The following MRPS35 variants were observed in gnomAD, a reference collection of about 807,000 sequenced individuals.
MRPS35 encodes mitochondrial ribosomal protein S35.
In MRPS35, 29 loss-of-function variants were observed where a neutral mutation model predicts 32.7. That is an observed-to-expected ratio of 0.89 (90% CI 0.66 to 1.21). The LOEUF (loss-of-function observed/expected upper bound fraction) is 1.21. MRPS35 is among the 50% of genes most tolerant of loss of function. The probability of loss-of-function intolerance (pLI) is 0.00; values close to 1 mark genes in which losing one functional copy is unlikely to be tolerated. For missense variants in MRPS35, 373 were observed against 383.8 expected (o/e 0.97, Z 0.23); for synonymous variants, 148 against 139.3 (o/e 1.06, Z -0.44).
At position 27,755,418 on chromosome 12, in the gene MRPS35, G is replaced by T. The variant is rs949842474; in HGVS notation, c.940G>T (p.Glu314Ter). The change falls in exon 8 of 8, where the codon GAA becomes TAA. Residue 314 changes from glutamate (E) to a stop codon, truncating the protein, a stop_gained. Coordinates refer to ENST00000081029, the MANE Select transcript of MRPS35 (RefSeq NM_021821.4). LOFTEE classifies it high-confidence loss of function. Reference sequence around the variant, plus strand: ...TGAAAATTCCATTTCTCAGTACAAAGAATCCGTGAAGAGACTATTAAATGT... The same window carrying T: ...TGAAAATTCCATTTCTCAGTACAAATAATCCGTGAAGAGACTATTAAATGT... ...ENENSISQYK[E>*]SVKRLLNVT is the part of the protein sequence containing the mutation. 4 of 1,586,492 alleles carry T rather than the reference G, an allele frequency of 2.5e-6. No individual in the cohort carries two copies. Among genetic ancestry groups the T allele is most frequent in the Non-Finnish European group, 3.4e-6 (4 of 1,173,288 alleles).
chr12:27,734,509 G>C (rs538498053), intron 5 of MRPS35, among the ~76,000 whole-genome samples: 52 of 152,148 alleles, frequency 3.4e-4, no homozygotes, highest in Non-Finnish European at 6.8e-4. Context: ...CCAAAGTAAT[G>C]GCATTACAGG....
intron 7 of MRPS35, among the ~76,000 whole-genome samples, chr12:27,747,252 C>T (rs376489274): frequency 2.6e-5 from 4 of 152,142 alleles, no homozygotes; most frequent in South Asian, 4.1e-4. Flanking sequence ...TTTTAATACA[C>T]CTCAGTTGTA....
rs1313945136 is a variant in MRPS35 at position 27,755,532 on chromosome 12, T to C, written c.*82T>C. ...ATCTAATTTGATATAAAATTGAAAA[T>C]GTTAAAAAATCATTTTTTTTCCTCA... On this transcript the variant is annotated 3_prime_UTR_variant, in exon 8 of 8. Coordinates refer to ENST00000081029, the MANE Select transcript of MRPS35 (RefSeq NM_021821.4). The C allele has an allele frequency of 6.2e-6, 8 of 1,298,032 alleles. No homozygotes were observed. Among genetic ancestry groups the C allele is most frequent in the Non-Finnish European group, 8.2e-6 (8 of 976,904 alleles). 80.4% of individuals were successfully genotyped at this position (1,298,032 alleles called of 1,614,324 possible).
At chr12:27,754,309 C>T (rs777021683) in intron 7 of MRPS35, among the ~76,000 whole-genome samples, 2 of 151,930 alleles carry the variant, frequency 1.3e-5, no homozygotes, top group African/African-American at 2.4e-5. Context: ...CTAAAAACCA[C>T]GTATTATGTG....
Position 27,755,572 on chromosome 12 carries a change from T to G in MRPS35, c.*122T>G, listed in dbSNP as rs533744591. ...TTTTTTCCTCAGAGTTAAAATTATT[T>G]CCCTCATACTAATGCTTAATGGCAA... is the stretch of plus-strand genomic sequence containing the variant. On this transcript the variant is annotated 3_prime_UTR_variant, in exon 8 of 8. Coordinates refer to ENST00000081029, the MANE Select transcript of MRPS35 (RefSeq NM_021821.4). 1.3e-5 allele frequency: 12 copies of G among 926,768 alleles called. No individual in the cohort carries two copies. Among genetic ancestry groups the G allele is most frequent in the Admixed American group, 1.2e-4 (4 of 32,760 alleles). The allele number at this position is 926,768 out of a possible 1,614,324, so 57.4% of individuals were successfully genotyped here.
chr12:27,714,674 TA>T, intron 1 of MRPS35, 105 bp from the exon 2 acceptor site: 1 of 767,036 alleles, frequency 1.3e-6, no homozygotes. Flanking sequence ...GTTATGTTAC[TA>T]AATACCTTAA....
At chr12:27,714,634 C>CA (rs531429538) in intron 1 of MRPS35, 146 bp from the exon 2 acceptor site, 34,723 of 355,656 alleles carry the variant, frequency 0.098, 68 homozygotes, top group African/African-American at 0.11. Context: ...CTGAGCTTAC[C>CA]AAAAAAAAAA....
chr12:27,726,960 C>CTTTT (rs140813983), intron 5 of MRPS35, among the ~76,000 whole-genome samples: 13 of 123,262 alleles, frequency 1.1e-4, no homozygotes, highest in African/African-American at 2.8e-4. Flanking sequence ...TGATGATGTC[C>CTTTT]TTTTTTTTTT....
At chr12:27,731,436 A>T (rs2061921696) in intron 5 of MRPS35, among the ~76,000 whole-genome samples, 2 of 152,230 alleles carry the variant, frequency 1.3e-5, no homozygotes, top group Admixed American at 6.5e-5. Flanking sequence ...TTTTCGCATT[A>T]TGTACTAGCA....
chr12:27,746,918 A>G (rs1484251935), intron 7 of MRPS35, among the ~76,000 whole-genome samples: 1 of 152,212 alleles, frequency 6.6e-6, no homozygotes, highest in Non-Finnish European at 1.5e-5. Flanking sequence ...TGAAAACTAC[A>G]ATAGGCTTCT....
intron 1 of MRPS35, among the ~76,000 whole-genome samples, chr12:27,711,620 T>A (rs1367617792): frequency 6.6e-6 from 1 of 152,002 alleles, no homozygotes; most frequent in Non-Finnish European, 1.5e-5. Context: ...ATATCTCTAA[T>A]TTACTCTCCT....
In MRPS35 at chr12:27,710,939, C is replaced by G; in HGVS notation, c.96C>G (p.Val32=). ...FSTAVYSATP[V]PTPSLPERTP... ...CTGCCGTCTACTCGGCCACTCCGGT[C>G]CCGACACCTAGCCTGCGTGAGTGTC... The change falls in exon 1 of 8, where the codon GTC becomes GTG. Residue 32 remains valine (V), a synonymous_variant. Transcript: ENST00000081029. 6.2e-7 allele frequency: 1 copy of G among 1,613,138 alleles called. No individual in the cohort carries two copies. The highest frequency in any genetic ancestry group is 8.5e-7 in the Non-Finnish European group (1 of 1,179,804).
rs2061850756 is a variant in MRPS35 at position 27,716,352 on chromosome 12, T to C, written c.215T>C (p.Val72Ala). ...VDQDWPSVYP[V>A]AAPFKPSAVP... is the part of the protein sequence containing the mutation. ...CAGGACTGGCCTAGTGTTTACCCAG[T>C]TGCAGCACCATTTAAACCCTCTGCA... The change falls in exon 3 of 8, where the codon GTT (valine) becomes GCT (alanine). Residue 72 changes from valine to alanine, a missense_variant. Val to Ala is a moderately conservative substitution (Grantham distance 64). Transcript: ENST00000081029. The C allele has an allele frequency of 6.2e-7, 1 of 1,614,082 alleles. No homozygotes were observed. The highest frequency in any genetic ancestry group is 8.5e-7 in the Non-Finnish European group (1 of 1,180,030).
In MRPS35 at chr12:27,716,274, G is replaced by GATT; in HGVS notation, c.154-16_154-14dup. The GATT allele has an allele frequency of 6.6e-7, 1 of 1,518,644 alleles. No individual in the cohort carries two copies. 94.1% of individuals were successfully genotyped at this position (1,518,644 alleles called of 1,614,324 possible). ...TGTGTTTATATTTAAAATACTAAACGATTTTATATTTCTTAGGCACTACCT... is the reference window on the plus strand; with the variant it reads ...TGTGTTTATATTTAAAATACTAAACGATTATTTTATATTTCTTAGGCACTACCT... On this transcript the variant is annotated splice_polypyrimidine_tract_variant and intron_variant, in intron 2 of 7. Coordinates refer to ENST00000081029, the MANE Select transcript of MRPS35 (RefSeq NM_021821.4).
chr12:27,737,664 C>A, intron 7 of MRPS35, 56 bp downstream of exon 7: 1 of 1,372,996 alleles, frequency 7.3e-7, no homozygotes, highest in African/African-American at 1.4e-5. Flanking sequence ...TGATGTTAAC[C>A]TTTCAAAATA....
chr12:27,740,478 C>T (rs1565469963), intron 7 of MRPS35, among the ~76,000 whole-genome samples: 1 of 152,084 alleles, frequency 6.6e-6, no homozygotes, highest in African/African-American at 2.4e-5. Flanking sequence ...CTGTGTTGTC[C>T]AGGTTGGTCT....
chr12:27,753,207 T>C (rs1362299332), intron 7 of MRPS35, among the ~76,000 whole-genome samples: 1 of 152,102 alleles, frequency 6.6e-6, no homozygotes, highest in Non-Finnish European at 1.5e-5. Context: ...CCCACTTGGC[T>C]CAGGAATTTG....
At chr12:27,740,682 A>G (rs533664917) in intron 7 of MRPS35, among the ~76,000 whole-genome samples, 1 of 152,316 alleles carries the variant, frequency 6.6e-6, no homozygotes, top group East Asian at 1.9e-4. Context: ...AGAAGTGATC[A>G]CCTAGACTCC....
Position 27,734,522 on chromosome 12 carries a change from T to C in MRPS35, c.523-925T>C, listed in dbSNP as rs1306045993. The stretch of plus-strand genomic sequence containing the variant: ...TCCCAAAGTAATGGCATTACAGGCA[T>C]GAGCCACCGTGCCTGGCCTATCTTC... On this transcript the variant is annotated intron_variant, in intron 5 of 7. Transcript: ENST00000081029. Among the ~76,000 whole-genome samples the C allele has an allele frequency of 2.0e-5, 3 of 152,338 alleles. No homozygotes were observed. In the South Asian group the frequency reaches 6.2e-4, roughly 32 times the overall value.
Sources: gnomAD v4.1 joint callset for allele counts (sites outside exome capture counted in the v4.1 genomes callset) on GRCh38, gnomAD v4.1.1 for gene constraint, MANE v1.5 for transcripts, NCBI Gene and HGNC (gene_info 2026-07-23, HGNC 2026-07-21) for gene names.